ANGPT1: variants seen among roughly 807,000 people sequenced by gnomAD.
The protein encoded by ANGPT1 is angiopoietin-1.
Under a neutral mutation model 62.2 loss-of-function variants are expected in ANGPT1, and 17 were observed. That is an observed-to-expected ratio of 0.27 (90% CI 0.19 to 0.41). ANGPT1 has a LOEUF of 0.41. Among genes scored for constraint, ANGPT1 ranks in the 10% least tolerant of loss-of-function variants. The pLI, the probability that ANGPT1 is intolerant of heterozygous loss-of-function variation, is 1.00. For missense variants in ANGPT1, 478 were observed against 594.9 expected, an observed-to-expected ratio of 0.80 and a Z score of 2.04; for synonymous variants, 199 against 198.9, an observed-to-expected ratio of 1.00 and a Z score of 0.00.
intron 8 of ANGPT1, among the ~76,000 whole-genome samples, 181 bp downstream of exon 8, chr8:107,264,040 A>C (rs1171103585): frequency 6.6e-6 from 1 of 152,130 alleles, no homozygotes; most frequent in Non-Finnish European, 1.5e-5. Context: ...GCAAACCTCT[A>C]AATATGCTAG....
chr8:107,270,923 T>C (rs1813719001), intron 7 of ANGPT1, among the ~76,000 whole-genome samples: 1 of 151,990 alleles, frequency 6.6e-6, no homozygotes, highest in Admixed American at 6.6e-5. Flanking sequence ...TAATCAAGAA[T>C]TAAGGCTGTG....
intron 4 of ANGPT1, among the ~76,000 whole-genome samples, chr8:107,311,816 G>A (rs1814871555): frequency 2.6e-5 from 4 of 152,132 alleles, no homozygotes; most frequent in African/African-American, 7.2e-5. Context: ...TGTAATCCCA[G>A]CACTCTGGAA....
At chr8:107,377,938 C>G (rs1356701076) in intron 1 of ANGPT1, among the ~76,000 whole-genome samples, 1 of 151,620 alleles carries the variant, frequency 6.6e-6, no homozygotes, top group Non-Finnish European at 1.5e-5. Flanking sequence ...AAAAACATAT[C>G]AGTTGTCAAA....
chr8:107,446,671 T>C (rs1338595646), intron 1 of ANGPT1, among the ~76,000 whole-genome samples: 1 of 152,332 alleles, frequency 6.6e-6, no homozygotes, highest in East Asian at 1.9e-4. Flanking sequence ...AGGGTTTGCT[T>C]TGAAAACGTA....
intron 1 of ANGPT1, among the ~76,000 whole-genome samples, chr8:107,440,925 C>T (rs1389029516): frequency 6.6e-6 from 1 of 152,192 alleles, no homozygotes; most frequent in Non-Finnish European, 1.5e-5. Context: ...AAAAGAGATA[C>T]TCTTTCCAAA....
intron 1 of ANGPT1, among the ~76,000 whole-genome samples, chr8:107,441,209 C>A (rs2130430999): frequency 6.6e-6 from 1 of 152,214 alleles, no homozygotes; most frequent in Non-Finnish European, 1.5e-5. Context: ...AAATTGATTA[C>A]CTTCCAAGCA....
chr8:107,306,632 C>T (rs1814724526), intron 4 of ANGPT1, among the ~76,000 whole-genome samples: 1 of 151,968 alleles, frequency 6.6e-6, no homozygotes, highest in Non-Finnish European at 1.5e-5. Flanking sequence ...ATTTGAATTT[C>T]CTGAACATTG....
At chr8:107,270,190 T>G (rs1363703162) in intron 7 of ANGPT1, among the ~76,000 whole-genome samples, 1 of 152,020 alleles carries the variant, frequency 6.6e-6, no homozygotes, top group African/African-American at 2.4e-5. Context: ...CTTCACATTT[T>G]TGCATCTTCA....
intron 1 of ANGPT1, among the ~76,000 whole-genome samples, chr8:107,399,678 C>A (rs1817004460): frequency 6.6e-6 from 1 of 152,080 alleles, no homozygotes. Context: ...CAGGAATGCC[C>A]CAGGGTTTCA....
At chr8:107,264,936 T>C (rs1422982143) in intron 7 of ANGPT1, among the ~76,000 whole-genome samples, 1 of 152,220 alleles carries the variant, frequency 6.6e-6, no homozygotes, top group African/African-American at 2.4e-5. Context: ...TGAATCATTA[T>C]GCATTCCCTG....
chr8:107,453,728 A>G (rs995565845), intron 1 of ANGPT1, among the ~76,000 whole-genome samples: 1 of 151,972 alleles, frequency 6.6e-6, no homozygotes, highest in African/African-American at 2.4e-5. Context: ...GCTATTTATC[A>G]TAAAAAATTG....
intron 1 of ANGPT1, among the ~76,000 whole-genome samples, chr8:107,357,587 A>AT (rs2130192705): frequency 6.6e-6 from 1 of 152,266 alleles, no homozygotes; most frequent in African/African-American, 2.4e-5. Context: ...TCTAAGAAAC[A>AT]TTTTCTGCAA....
At chr8:107,289,441 T>C (rs1287998637) in intron 6 of ANGPT1, among the ~76,000 whole-genome samples, 2 of 152,134 alleles carry the variant, frequency 1.3e-5, no homozygotes, top group Non-Finnish European at 2.9e-5. Flanking sequence ...ACACAGCCCA[T>C]GTATTCCATG....
intron 1 of ANGPT1, among the ~76,000 whole-genome samples, chr8:107,459,606 T>C (rs1812013331): frequency 6.6e-6 from 1 of 152,224 alleles, no homozygotes; most frequent in Non-Finnish European, 1.5e-5. Context: ...CTACTAGCAA[T>C]GTTTACAACA....
chr8:107,475,811 T>C (rs2130508659), intron 1 of ANGPT1, among the ~76,000 whole-genome samples: 1 of 152,292 alleles, frequency 6.6e-6, no homozygotes, highest in East Asian at 1.9e-4. Flanking sequence ...AAGGCATTTA[T>C]GCAGGCAACA....
intron 3 of ANGPT1, among the ~76,000 whole-genome samples, chr8:107,323,036 A>C (rs1815192912): frequency 6.6e-6 from 1 of 151,990 alleles, no homozygotes; most frequent in Non-Finnish European, 1.5e-5. Context: ...CAAAAGGAAG[A>C]CTCCCTTTGG....
chr8:107,309,751 T>C (rs780529058), intron 4 of ANGPT1, among the ~76,000 whole-genome samples: 2 of 152,196 alleles, frequency 1.3e-5, no homozygotes, highest in African/African-American at 2.4e-5. Context: ...AGCATATGCA[T>C]ACAAACCTAA....
intron 3 of ANGPT1, among the ~76,000 whole-genome samples, chr8:107,325,308 T>G (rs1815260904): frequency 6.6e-6 from 1 of 152,202 alleles, no homozygotes; most frequent in African/African-American, 2.4e-5. Flanking sequence ...TTTATTTACT[T>G]TTCTTGCTAG....
chr8:107,296,940 T>C (rs73701074), intron 5 of ANGPT1, among the ~76,000 whole-genome samples: 2,139 of 152,178 alleles, frequency 0.014, 56 homozygotes, highest in African/African-American at 0.049. Flanking sequence ...TAAAACTCTA[T>C]GCACTTAGTT....
Sources: allele counts gnomAD v4.1 joint callset (sites outside exome capture counted in the v4.1 genomes callset), GRCh38; gene constraint gnomAD v4.1.1; transcripts MANE v1.5; gene names NCBI Gene and HGNC (gene_info 2026-07-23, HGNC 2026-07-21).